Variants in NKTR observed in about 807,000 individuals in gnomAD.
NKTR encodes the protein NK-tumor recognition protein.
A neutral mutation model predicts 156.3 loss-of-function variants in NKTR; 67 were observed. That is an observed-to-expected ratio of 0.43 (90% CI 0.35 to 0.53). The LOEUF (loss-of-function observed/expected upper bound fraction) is 0.53. Among genes scored for constraint, NKTR ranks in the 20% least tolerant of loss-of-function variants. NKTR has a pLI of 0.01. For missense variants in NKTR, 1,604 were observed against 1,730.9 expected, an observed-to-expected ratio of 0.93 and a Z score of 1.30; for synonymous variants, 640 against 596.6, an observed-to-expected ratio of 1.07 and a Z score of -1.06.
At chr3:42,601,368 G>T (rs1042110566) in intron 2 of NKTR, 5 of 250,710 alleles carry the variant, frequency 2.0e-5, no homozygotes, top group Non-Finnish European at 3.1e-5. Context: ...TTCTCTCCCA[G>T]TGTCTCCGTG....
chr3:42,647,303 G>GTGTGTGTGTGTGTGTGTGTGTGGT lies in NKTR; in HGVS notation c.*1329_*1330insGTGTGTGTGTGTGTGTGTGTGGTT, dbSNP rs796657249. On this transcript the variant is annotated 3_prime_UTR_variant, in exon 17 of 17. Transcript: ENST00000232978. ...GTGTGTGTGTGTGTGTGTGTGTGTGGTTTTTTTTTTTAATCTTTACTTTGA... is the reference window on the plus strand; with the variant it reads ...GTGTGTGTGTGTGTGTGTGTGTGTGGTGTGTGTGTGTGTGTGTGTGTGGTTTTTTTTTTTTAATCTTTACTTTGA... 6.9e-5 allele frequency: 7 copies of GTGTGTGTGTGTGTGTGTGTGTGGT among 101,244 alleles called. No individual in the cohort carries two copies. Among genetic ancestry groups the GTGTGTGTGTGTGTGTGTGTGTGGT allele is most frequent in the East Asian group, 2.9e-4 (1 of 3,462 alleles). The allele number at this position is 101,244 out of a possible 1,614,324, so 6.3% of individuals were successfully genotyped here.
intron 13 of NKTR, 77 bp from the exon 14 acceptor site, chr3:42,642,424 C>A: frequency 9.2e-7 from 1 of 1,091,234 alleles, no homozygotes; most frequent in Non-Finnish European, 1.4e-6. Context: ...TTTCCCCTTT[C>A]TGCCCTACCA....
At chr3:42,621,310 CAAGTT>C (rs1266510941) in intron 5 of NKTR, 114 bp from the exon 6 acceptor site, 2 of 1,352,136 alleles carry the variant, frequency 1.5e-6, no homozygotes, top group Non-Finnish European at 1.9e-6. Context: ...AGTGTTCAGT[CAAGTT>C]ATCTGTACTG....
rs996588461 is a variant in NKTR at position 42,600,709 on chromosome 3, G to C, written c.-93G>C. 40 of 260,746 alleles carry C rather than the reference G, an allele frequency of 1.5e-4. No homozygotes were observed. The Admixed American group carries it at 1.9e-3, about 12-fold the overall frequency. The allele number at this position is 260,746 out of a possible 1,614,324, so 16.2% of individuals were successfully genotyped here. A position where few individuals can be genotyped will look rare whatever the true frequency, so the allele number is the denominator to read the frequency against. On this transcript the variant is annotated 5_prime_UTR_variant, in exon 1 of 17. Coordinates refer to ENST00000232978, the MANE Select transcript of NKTR (RefSeq NM_005385.4). ...GAGACGGCGTTCCGTTAGCGGCGTT[G>C]GGGTTTGGCTGCAGTGGCAGTGCTT...
At chr3:42,628,159 A>C in intron 6 of NKTR, 2 of 985,132 alleles carry the variant, frequency 2.0e-6, no homozygotes, top group Non-Finnish European at 2.4e-6. Flanking sequence ...ATCTAATCCA[A>C]TTAAAGTGCA....
chr3:42,625,314 G>A (rs918207407), intron 6 of NKTR, among the ~76,000 whole-genome samples: 1 of 152,086 alleles, frequency 6.6e-6, no homozygotes, highest in Admixed American at 6.6e-5. Flanking sequence ...GCCACTGTCA[G>A]TGGTCATTAA....
In NKTR at chr3:42,638,842, A is replaced by C. The variant is rs1405290711; in HGVS notation, c.3138A>C (p.Glu1046Asp). 1 of 1,601,410 alleles carries C rather than the reference A, an allele frequency of 6.2e-7. No homozygotes were observed. The highest frequency in any genetic ancestry group is 8.5e-7 in the Non-Finnish European group (1 of 1,176,826). Residue 1046 changes from glutamate (E) to aspartate (D), a missense_variant, in exon 13 of 17, where the codon GAA becomes GAC. Glu to Asp is a conservative substitution (Grantham distance 45, BLOSUM62 2). This residue lies in a region of NKTR where 1,255 missense variants were observed against 1,243.7 expected (regional missense o/e 1.01). Coordinates refer to ENST00000232978, the MANE Select transcript of NKTR (RefSeq NM_005385.4). The stretch of plus-strand genomic sequence containing the variant: ...AATCAAAAGAGAAAAAAGTTTCTGA[A>C]AACAATGAAACCATAAAAGATAATA... ...TQESKEKKVS[E>D]NNETIKDNIL...
chr3:42,632,608 G>GA lies in NKTR; in HGVS notation c.565dup (p.Arg189LysfsTer27). 6.3e-7 allele frequency: 1 copy of GA among 1,596,426 alleles called. No homozygotes were observed. Among genetic ancestry groups the GA allele is most frequent in the South Asian group, 1.1e-5 (1 of 86,966 alleles). On this transcript the variant is annotated frameshift_variant, in exon 9 of 17. Coordinates refer to ENST00000232978, the MANE Select transcript of NKTR (RefSeq NM_005385.4). LOFTEE classifies it high-confidence loss of function. ...ATTAATGTTTCTTAAAAGTTTTTGA[G>GA]AAAAAAAGGAAGAAACCAACTCATT... is the stretch of plus-strand genomic sequence containing the variant.
intron 2 of NKTR, among the ~76,000 whole-genome samples, chr3:42,604,537 A>G (rs1348410859): frequency 6.6e-6 from 1 of 151,268 alleles, no homozygotes; most frequent in Non-Finnish European, 1.5e-5. Context: ...CCAGTTGGCT[A>G]TTAGTGTTGG....
intron 1 of NKTR, 42 bp from the exon 2 acceptor site, chr3:42,600,942 C>T: frequency 7.7e-7 from 1 of 1,295,402 alleles, no homozygotes; most frequent in Non-Finnish European, 1.0e-6. Context: ...TCGCCCCCGC[C>T]CTCGCCCCTG....
At chr3:42,604,989 C>T (rs569565531) in intron 2 of NKTR, among the ~76,000 whole-genome samples, 5 of 151,962 alleles carry the variant, frequency 3.3e-5, no homozygotes, top group East Asian at 3.8e-4. Flanking sequence ...CATGCCCGGC[C>T]GTATTTCTCT....
Position 42,638,683 on chromosome 3 carries a change from G to A in NKTR, c.2979G>A (p.Val993=). Residue 993 remains valine (V), a synonymous_variant, in exon 13 of 17, where the codon GTG becomes GTA. Transcript: ENST00000232978. ...TTAAAAGAGAACACACCAAAAAAGTGAAAGAGAAATTGAAAGGGAAAAAAG... is the reference window on the plus strand; with the variant it reads ...TTAAAAGAGAACACACCAAAAAAGTAAAAGAGAAATTGAAAGGGAAAAAAG... ...ENLKREHTKK[V]KEKLKGKKDK... is the part of the protein sequence containing the mutation. 1 of 1,611,674 alleles carries A rather than the reference G, an allele frequency of 6.2e-7. No homozygotes were observed. Among genetic ancestry groups the A allele is most frequent in the South Asian group, 1.1e-5 (1 of 90,314 alleles).
chr3:42,633,735 C>A lies in NKTR; in HGVS notation c.929C>A (p.Pro310Gln). ...DMPVVTAEPE[P>Q]KIPDVAPIVS... ...CCTGTTGTTACTGCAGAACCTGAAC[C>A]GTAAGTAGGATGACTAAACTATTTA... is the stretch of plus-strand genomic sequence containing the variant. Residue 310 changes from proline to glutamine, a missense_variant and splice_region_variant, in exon 10 of 17, where the codon CCG (proline) becomes CAG (glutamine). Around this residue, in one of 6 missense-constraint regions of NKTR, gnomAD observed 1,255 missense variants for 1,243.7 expected, o/e 1.01. Transcript: ENST00000232978. 1 of 1,613,802 alleles carries A rather than the reference C, an allele frequency of 6.2e-7. No individual in the cohort carries two copies. The highest frequency in any genetic ancestry group is 8.5e-7 in the Non-Finnish European group (1 of 1,179,846).
At chr3:42,630,302 G>A in intron 6 of NKTR, 2 of 1,257,696 alleles carry the variant, frequency 1.6e-6, no homozygotes. Context: ...TCATATGTAT[G>A]CATACATATA....
chr3:42,618,917 A>G, intron 3 of NKTR, 103 bp from the exon 4 acceptor site: 3 of 948,188 alleles, frequency 3.2e-6, no homozygotes, highest in Non-Finnish European at 4.7e-6. Context: ...TCCAGTGCCT[A>G]GCACACAGGA....
At chr3:42,612,742 G>A (rs564623483) in intron 2 of NKTR, among the ~76,000 whole-genome samples, 16 of 152,194 alleles carry the variant, frequency 1.1e-4, no homozygotes, top group African/African-American at 3.1e-4. Flanking sequence ...ACTGTGCTCA[G>A]TTGTCTCCAG....
chr3:42,626,558 T>G (rs145691109), intron 6 of NKTR, among the ~76,000 whole-genome samples: 7 of 152,288 alleles, frequency 4.6e-5, no homozygotes, highest in Non-Finnish European at 8.8e-5. Context: ...TGCTGCTTTA[T>G]TATTATGTTC....
Position 42,635,203 on chromosome 3 carries a change from T to C in NKTR, c.1018-18T>C, listed in dbSNP as rs749147756. 18 of 1,603,990 alleles carry C rather than the reference T, an allele frequency of 1.1e-5. 1 individual carries two copies. The highest frequency in any genetic ancestry group is 1.0e-4 in the Admixed American group (6 of 57,954). On this transcript the variant is annotated intron_variant, in intron 11 of 16. Coordinates refer to ENST00000232978, the MANE Select transcript of NKTR (RefSeq NM_005385.4). ...TGGAGAGGCATTTTTTAAAATACTA[T>C]TGTTTTTGTTTTTAAAGCGCTATCA...
chr3:42,640,423 A>C (rs1709785184), intron 13 of NKTR, among the ~76,000 whole-genome samples: 1 of 152,212 alleles, frequency 6.6e-6, no homozygotes, highest in Non-Finnish European at 1.5e-5. Flanking sequence ...GTTAGTAAGC[A>C]GTTGTGTTGC....
Sources: gnomAD v4.1 joint callset for allele counts (sites outside exome capture counted in the v4.1 genomes callset) on GRCh38, gnomAD v4.1.1 for gene constraint, gnomAD v4.1.1 regional missense constraint, MANE v1.5 for transcripts, NCBI Gene and HGNC (gene_info 2026-07-23, HGNC 2026-07-21) for gene names.